Variants in TRHDE observed in about 807,000 individuals in gnomAD.
TRHDE encodes thyrotropin releasing hormone degrading enzyme.
TRHDE carries 72 observed loss-of-function variants against 125.7 expected under a neutral mutation model. That is an observed-to-expected ratio of 0.57 (90% CI 0.47 to 0.70). The LOEUF is 0.70. Among genes scored for constraint, TRHDE ranks in the 30% least tolerant of loss-of-function variants. TRHDE has a pLI of 0.00. For missense variants in TRHDE, 1,110 were observed against 1,327.1 expected, an observed-to-expected ratio of 0.84 and a Z score of 2.54; for synonymous variants, 509 against 509.1, an observed-to-expected ratio of 1.00 and a Z score of 0.00.
chr12:72,434,346 C>T (rs1874639824), intron 3 of TRHDE, among the ~76,000 whole-genome samples: 1 of 147,434 alleles, frequency 6.8e-6, no homozygotes. Flanking sequence ...GATGGCACCA[C>T]TGCACTCCAG....
Position 72,469,800 on chromosome 12 carries a change from A to C in TRHDE, c.1358A>C (p.Asn453Thr). 1 of 1,614,110 alleles carries C rather than the reference A, an allele frequency of 6.2e-7. No homozygotes were observed. The highest frequency in any genetic ancestry group is 1.1e-5 in the South Asian group (1 of 91,082). ...AAGCATCCGTATGCTGCTATGGAGA[A>C]CTGGGGACTAAGTATTTTTGTGGAA... ...VPKHPYAAME[N>T]WGLSIFVEQR... Residue 453 changes from asparagine (N) to threonine (T), a missense_variant, in exon 4 of 19, where the codon AAC becomes ACC. By Grantham distance (65) the Asn-to-Thr change is moderately conservative. Coordinates refer to ENST00000261180, the MANE Select transcript of TRHDE (RefSeq NM_013381.3).
intron 2 of TRHDE, among the ~76,000 whole-genome samples, chr12:72,239,027 A>G (rs1592495832): frequency 1.3e-5 from 2 of 152,118 alleles, no homozygotes; most frequent in Admixed American, 1.3e-4. Context: ...AAGCATTCCT[A>G]TTTCTCCACA....
At chr12:72,610,544 T>C (rs1296528671) in intron 12 of TRHDE, 1 of 152,132 alleles carries the variant, frequency 6.6e-6, no homozygotes, top group Admixed American at 6.5e-5. Context: ...CCATCACATA[T>C]AGAAAAACAA....
intron 14 of TRHDE, 103 bp downstream of exon 14, chr12:72,621,308 A>C: frequency 1.3e-6 from 1 of 772,472 alleles, no homozygotes; most frequent in Non-Finnish European, 2.2e-6. Context: ...TCTTCCTTTC[A>C]TTCTTCATCT....
At chr12:72,126,339 C>T (rs958939261) in intron 2 of TRHDE, among the ~76,000 whole-genome samples, 2 of 151,924 alleles carry the variant, frequency 1.3e-5, no homozygotes, top group African/African-American at 4.8e-5. Flanking sequence ...CCATTCTTCA[C>T]AAATTAAAAA....
intron 6 of TRHDE, among the ~76,000 whole-genome samples, chr12:72,516,843 T>G (rs1878888260): frequency 6.6e-6 from 1 of 152,146 alleles, no homozygotes; most frequent in Non-Finnish European, 1.5e-5. Context: ...TATTGAGAGT[T>G]TTTAGCATGA....
intron 5 of TRHDE, among the ~76,000 whole-genome samples, chr12:72,494,558 A>G (rs926113694): frequency 6.6e-6 from 1 of 151,916 alleles, no homozygotes; most frequent in Non-Finnish European, 1.5e-5. Context: ...AAAATTAGTC[A>G]GTCTTCCTAG....
intron 3 of TRHDE, among the ~76,000 whole-genome samples, chr12:72,454,153 A>G (rs1875721339): frequency 6.6e-6 from 1 of 152,108 alleles, no homozygotes; most frequent in African/African-American, 2.4e-5. Flanking sequence ...AGTAGTATAA[A>G]TCAATAGTGC....
intron 15 of TRHDE, among the ~76,000 whole-genome samples, chr12:72,631,132 C>T (rs1873479130): frequency 1.3e-5 from 2 of 151,322 alleles, no homozygotes; most frequent in African/African-American, 4.8e-5. Context: ...ATATACAGAG[C>T]AGGCATTCAA....
chr12:72,553,472 C>A (rs968445230), intron 7 of TRHDE, among the ~76,000 whole-genome samples: 2 of 152,062 alleles, frequency 1.3e-5, no homozygotes, highest in African/African-American at 4.8e-5. Context: ...AGATTAGTGT[C>A]TTTATTGCAT....
intron 3 of TRHDE, among the ~76,000 whole-genome samples, chr12:72,387,876 A>T (rs1041947528): frequency 6.6e-6 from 1 of 152,178 alleles, no homozygotes; most frequent in East Asian, 1.9e-4. Context: ...AGGCCTCCCC[A>T]GCCATGTGGA....
At chr12:72,179,810 T>C (rs556522363) in intron 2 of TRHDE, among the ~76,000 whole-genome samples, 1 of 152,282 alleles carries the variant, frequency 6.6e-6, no homozygotes, top group Non-Finnish European at 1.5e-5. Context: ...ACAGTAAGCA[T>C]TTGTTAAATG....
At chr12:72,512,598 C>CAT (rs960909034) in intron 6 of TRHDE, among the ~76,000 whole-genome samples, 1 of 136,074 alleles carries the variant, frequency 7.3e-6, no homozygotes, top group African/African-American at 2.7e-5. Flanking sequence ...CATATATAAT[C>CAT]ATATATATAA....
At chr12:72,427,379 C>G (rs1343861381) in intron 3 of TRHDE, among the ~76,000 whole-genome samples, 1 of 152,158 alleles carries the variant, frequency 6.6e-6, no homozygotes, top group Non-Finnish European at 1.5e-5. Context: ...TCCTCTTCAG[C>G]TTCTGGGTAG....
chr12:72,420,375 C>G (rs532033858), intron 3 of TRHDE, among the ~76,000 whole-genome samples: 62 of 152,250 alleles, frequency 4.1e-4, no homozygotes, highest in Non-Finnish European at 7.9e-4. Context: ...AGGAAACAAT[C>G]TTGGGACAGA....
chr12:72,658,929 G>T (rs970833247), intron 18 of TRHDE, among the ~76,000 whole-genome samples: 1 of 152,110 alleles, frequency 6.6e-6, no homozygotes, highest in Non-Finnish European at 1.5e-5. Flanking sequence ...GTCAGATGGG[G>T]TGGGGGTTTT....
chr12:72,342,682 T>C (rs1332939262), intron 2 of TRHDE, among the ~76,000 whole-genome samples: 2 of 152,136 alleles, frequency 1.3e-5, no homozygotes. Context: ...TTTTATTGTC[T>C]TAATATTAGA....
intron 6 of TRHDE, among the ~76,000 whole-genome samples, chr12:72,525,601 T>TGTGTG (rs1868317196): frequency 4.4e-4 from 56 of 127,704 alleles, no homozygotes; most frequent in African/African-American, 1.6e-3. Flanking sequence ...TGTGTGTGGT[T>TGTGTG]TGTGTGTGTG....
chr12:72,581,939 A>G (rs1218377749), intron 12 of TRHDE, among the ~76,000 whole-genome samples: 1 of 151,826 alleles, frequency 6.6e-6, no homozygotes, highest in Non-Finnish European at 1.5e-5. Flanking sequence ...CATCTCTACT[A>G]AAAATACAAA....
Sources: allele counts gnomAD v4.1 joint callset (sites outside exome capture counted in the v4.1 genomes callset), GRCh38; gene constraint gnomAD v4.1.1; transcripts MANE v1.5; gene names NCBI Gene and HGNC (gene_info 2026-07-23, HGNC 2026-07-21).